TENM1: variants seen among roughly 807,000 people sequenced by gnomAD.
TENM1 encodes teneurin transmembrane protein 1.
A neutral mutation model predicts 174.8 loss-of-function variants in TENM1; 35 were observed. That is an observed-to-expected ratio of 0.20 (90% CI 0.15 to 0.27). The LOEUF is 0.27. Ranked by LOEUF, TENM1 falls within the 10% of genes least tolerant of loss-of-function variation. The pLI is 1.00. For synonymous variants in TENM1, 781 were observed against 798.7 expected (o/e 0.98, Z 0.37); for missense variants, 1,633 against 2,130.1 (o/e 0.77, Z 4.59).
intron 1 of TENM1, among the ~76,000 whole-genome samples, chrX:124,928,947 C>T (rs2058130151): frequency 8.9e-6 from 1 of 111,783 alleles, no homozygotes; most frequent in African/African-American, 3.2e-5. Context: ...CTGGCCCGAC[C>T]TAACTTATTT....
chrX:124,941,604 T>A (rs1280351220), intron 1 of TENM1, among the ~76,000 whole-genome samples: 2 of 112,183 alleles, frequency 1.8e-5, no homozygotes, highest in Non-Finnish European at 3.8e-5. Flanking sequence ...TAACTTCAAA[T>A]TAGATATTTC....
intron 27 of TENM1, among the ~76,000 whole-genome samples, chrX:124,401,285 T>C (rs1312371410): frequency 1.8e-5 from 2 of 112,101 alleles, no homozygotes; most frequent in Admixed American, 1.9e-4. Flanking sequence ...GAACCTGTCA[T>C]TTTGTCCTTG....
chrX:125,140,903 C>T, the TENM1 span, among the ~76,000 whole-genome samples: 3 of 111,932 alleles, frequency 2.7e-5, no homozygotes, highest in African/African-American at 9.7e-5. Flanking sequence ...AATCTAACTT[C>T]CTTTGTAGGA....
intron 15 of TENM1, among the ~76,000 whole-genome samples, chrX:124,542,135 C>G (rs191289744): frequency 2.2e-4 from 25 of 111,891 alleles, no homozygotes; most frequent in African/African-American, 8.2e-4. Context: ...CATCATGGAG[C>G]AGAGATAAGC....
intron 25 of TENM1, among the ~76,000 whole-genome samples, chrX:124,415,666 C>T (rs2060586265): frequency 9.0e-6 from 1 of 111,426 alleles, no homozygotes; most frequent in Non-Finnish European, 1.9e-5. Flanking sequence ...CATGACTACC[C>T]CCATGTGGAT....
chrX:124,810,239 A>G (rs1310354135), intron 3 of TENM1, among the ~76,000 whole-genome samples: 2 of 111,982 alleles, frequency 1.8e-5, no homozygotes, highest in African/African-American at 6.5e-5. Flanking sequence ...AGAAATAAAT[A>G]AAAGGCATCC....
In TENM1 at chrX:124,392,171, A is replaced by G. The variant is rs368540866; in HGVS notation, c.5569T>C (p.Leu1857=). ...GTTCCTCTTTGAATAAACGTCACCA[A>G]TCCCGAAGGTGAATATGTGATGTTC... is the stretch of plus-strand genomic sequence containing the variant. Residue 1857 remains leucine, a synonymous_variant, in exon 28 of 32, where the codon TTG becomes CTG. Coordinates refer to ENST00000422452, the Ensembl canonical transcript of TENM1. 8 of 1,209,438 alleles carry G rather than the reference A, an allele frequency of 6.6e-6. No individual in the cohort carries two copies. The African/African-American group carries it at 8.8e-5, about 13-fold the overall frequency.
chrX:124,767,655 T>C (rs1014355002), intron 3 of TENM1, among the ~76,000 whole-genome samples: 2 of 111,357 alleles, frequency 1.8e-5, no homozygotes, highest in Non-Finnish European at 3.8e-5. Flanking sequence ...AAACTTATTA[T>C]TCTGTGGTTC....
intron 3 of TENM1, among the ~76,000 whole-genome samples, chrX:124,778,074 C>T (rs954043149): frequency 1.8e-5 from 2 of 113,226 alleles, no homozygotes. Context: ...CCAGTGGATT[C>T]GTTTCAGGAA....
At chrX:124,953,711 T>C (rs1456671795) in intron 1 of TENM1, among the ~76,000 whole-genome samples, 3 of 111,872 alleles carry the variant, frequency 2.7e-5, no homozygotes, top group African/African-American at 9.7e-5. Flanking sequence ...CAATCATCTA[T>C]GTGACACTTA....
At chrX:124,423,149 G>A (rs1157759218) in intron 23 of TENM1, among the ~76,000 whole-genome samples, 1 of 112,324 alleles carries the variant, frequency 8.9e-6, no homozygotes, top group African/African-American at 3.2e-5. Flanking sequence ...CTGGGTGACA[G>A]AATGCCAGAG....
At chrX:125,018,260 G>A in the TENM1 span, among the ~76,000 whole-genome samples, 6 of 111,397 alleles carry the variant, frequency 5.4e-5, no homozygotes, top group African/African-American at 2.0e-4. Context: ...TATGTTTGAT[G>A]ATCCAACAAA....
At chrX:124,773,822 G>C (rs2054717736) in intron 3 of TENM1, among the ~76,000 whole-genome samples, 1 of 111,733 alleles carries the variant, frequency 8.9e-6, no homozygotes, top group African/African-American at 3.3e-5. Flanking sequence ...TGGGCTCTGG[G>C]TGAAAACAAT....
At chrX:124,570,077 A>G (rs2858434) in intron 11 of TENM1, among the ~76,000 whole-genome samples, 27,764 of 110,589 alleles carry the variant, frequency 0.25, 2,669 homozygotes, top group South Asian at 0.42. Flanking sequence ...ATCCTAAGAC[A>G]ATATTACTAA....
rs573755969 is a variant in TENM1, at chrX:124,725,970, C to T, written c.776+10987G>A. On this transcript the variant is annotated intron_variant, in intron 4 of 31. Transcript: ENST00000422452. ...AACTTGTGTTCTCTCTTGTTCAAAACCATACATCTCTGTTTTAAATATAGT... is the reference window on the plus strand; with the variant it reads ...AACTTGTGTTCTCTCTTGTTCAAAATCATACATCTCTGTTTTAAATATAGT... 3.9e-4 allele frequency among the ~76,000 whole-genome samples: 44 copies of T among 112,080 alleles called. No homozygotes were observed. In the South Asian group the frequency reaches 0.016, roughly 40 times the overall value.
intron 11 of TENM1, among the ~76,000 whole-genome samples, chrX:124,588,318 T>C (rs774413969): frequency 1.1e-3 from 118 of 111,330 alleles, no homozygotes; most frequent in African/African-American, 3.5e-3. Flanking sequence ...TAGACTGGAT[T>C]AAAAAAATGT....
rs138832796 is a variant in TENM1, at chrX:124,852,241, G to A, written c.535+42055C>T. 7.6e-4 allele frequency among the ~76,000 whole-genome samples: 84 copies of A among 111,106 alleles called. 1 individual carries two copies. In the East Asian group the frequency reaches 0.023, roughly 31 times the overall value. On this transcript the variant is annotated intron_variant, in intron 3 of 31. Coordinates refer to ENST00000422452, the Ensembl canonical transcript of TENM1. ...GTCGTTGAGTTTCAAGAGGGGACAAGTATGGAAAGATTTGCATTGGCTAAG... is the reference window on the plus strand; with the variant it reads ...GTCGTTGAGTTTCAAGAGGGGACAAATATGGAAAGATTTGCATTGGCTAAG...
At chrX:124,888,719 A>G (rs1350116623) in intron 3 of TENM1, among the ~76,000 whole-genome samples, 1 of 111,956 alleles carries the variant, frequency 8.9e-6, no homozygotes, top group Non-Finnish European at 1.9e-5. Flanking sequence ...TAATACGTGC[A>G]TAATAAATTA....
chrX:124,406,503 C>A lies in TENM1; in HGVS notation c.4983-14G>T, dbSNP rs780244301. On this transcript the variant is annotated splice_polypyrimidine_tract_variant and intron_variant, in intron 25 of 31. Transcript: ENST00000422452. Reference sequence around the variant, plus strand: ...TCGGGGTCATACCTGAGGAATGTAACCAATCCCAGCTTTGAAGCGTCTCGG... The same window carrying A: ...TCGGGGTCATACCTGAGGAATGTAAACAATCCCAGCTTTGAAGCGTCTCGG... 2.6e-6 allele frequency: 3 copies of A among 1,154,918 alleles called. No homozygotes were observed. In the Admixed American group the frequency reaches 7.3e-5, roughly 28 times the overall value.
Sources: gnomAD v4.1 joint callset for allele counts (sites outside exome capture counted in the v4.1 genomes callset) on GRCh38, gnomAD v4.1.1 for gene constraint, MANE v1.5 for transcripts, NCBI Gene and HGNC (gene_info 2026-07-23, HGNC 2026-07-21) for gene names.